The following GPHN variants were observed in gnomAD, a reference collection of about 807,000 sequenced individuals.
The protein encoded by GPHN is gephyrin.
A neutral mutation model predicts 95.5 loss-of-function variants in GPHN; 17 were observed. The observed-to-expected ratio is 0.18, with a 90% CI of 0.12 to 0.27. The LOEUF (loss-of-function observed/expected upper bound fraction) is 0.27. Among genes scored for constraint, GPHN ranks in the 10% least tolerant of loss-of-function variants. GPHN has a pLI of 1.00. For missense variants in GPHN, 660 were observed against 978.1 expected, an observed-to-expected ratio of 0.67 and a Z score of 4.34; for synonymous variants, 320 against 322.5, an observed-to-expected ratio of 0.99 and a Z score of 0.08.
chr14:66,746,267 C>T (rs970559088), intron 2 of GPHN, among the ~76,000 whole-genome samples: 4 of 152,286 alleles, frequency 2.6e-5, no homozygotes, highest in Middle Eastern at 3.4e-3. Flanking sequence ...TGTTTTCCAA[C>T]ATCTGCATCA....
chr14:67,078,044 A>G (rs1303525589), intron 11 of GPHN, among the ~76,000 whole-genome samples: 1 of 152,178 alleles, frequency 6.6e-6, no homozygotes, highest in Non-Finnish European at 1.5e-5. Context: ...ATTTTACAGA[A>G]TTTATGCAAT....
the GPHN span, among the ~76,000 whole-genome samples, chr14:67,206,425 G>A: frequency 3.3e-5 from 5 of 152,142 alleles, no homozygotes; most frequent in South Asian, 4.1e-4. Flanking sequence ...GAAACCGGGA[G>A]GTGGAGGTTG....
intron 9 of GPHN, among the ~76,000 whole-genome samples, chr14:66,975,257 T>C (rs2070133484): frequency 6.6e-6 from 1 of 152,234 alleles, no homozygotes; most frequent in African/African-American, 2.4e-5. Flanking sequence ...GTAGATAATC[T>C]TTCAGAAGTT....
the GPHN span, among the ~76,000 whole-genome samples, chr14:67,317,830 C>T: frequency 6.6e-6 from 1 of 152,166 alleles, no homozygotes; most frequent in Non-Finnish European, 1.5e-5. Flanking sequence ...TCCTGAGAAC[C>T]CACTACCTGC....
chr14:67,021,858 T>C (rs558216692), intron 9 of GPHN, among the ~76,000 whole-genome samples: 2 of 152,232 alleles, frequency 1.3e-5, no homozygotes, highest in South Asian at 2.1e-4. Context: ...TTCGCAAACA[T>C]TGCTTTGCGC....
the GPHN span, among the ~76,000 whole-genome samples, chr14:67,560,332 C>G: frequency 6.6e-6 from 1 of 152,190 alleles, no homozygotes; most frequent in Non-Finnish European, 1.5e-5. Flanking sequence ...CTGCTACTTT[C>G]TCTTCCATCC....
intron 2 of GPHN, among the ~76,000 whole-genome samples, chr14:66,746,420 C>A (rs1330338552): frequency 6.6e-6 from 1 of 152,068 alleles, no homozygotes; most frequent in African/African-American, 2.4e-5. Flanking sequence ...GTGGTTCTAA[C>A]CTTGGCTCTA....
chr14:67,473,300 A>G, the GPHN span: 25 of 1,408,168 alleles, frequency 1.8e-5, no homozygotes, highest in Non-Finnish European at 2.4e-5. The surrounding 1 kb of genome is among the most constrained non-coding windows in gnomAD (Gnocchi z 6.5). Context: ...TGTGTGCCCT[A>G]TAGGGCTGAG....
the GPHN span, among the ~76,000 whole-genome samples, chr14:67,350,439 T>C: frequency 3.7e-4 from 57 of 152,350 alleles, no homozygotes; most frequent in East Asian, 3.5e-3. Context: ...AAGAATTACA[T>C]GTGGAAGATG....
chr14:66,922,592 A>G (rs373140442), intron 6 of GPHN, 74 bp from the exon 7 acceptor site: 5 of 1,186,876 alleles, frequency 4.2e-6, no homozygotes, highest in Non-Finnish European at 6.0e-6. Flanking sequence ...ATCACGAAAC[A>G]GTTTGATTGC....
intron 5 of GPHN, among the ~76,000 whole-genome samples, chr14:66,909,367 A>G (rs1440943813): frequency 6.6e-6 from 1 of 152,096 alleles, no homozygotes; most frequent in African/African-American, 2.4e-5. Flanking sequence ...AAATGATAGT[A>G]GAAAAAAGGG....
intron 16 of GPHN, 82 bp from the exon 17 acceptor site, chr14:67,122,173 TC>T (rs2079046355): frequency 4.3e-6 from 6 of 1,397,988 alleles, no homozygotes; most frequent in Non-Finnish European, 6.1e-6. Flanking sequence ...TATGCTAAAC[TC>T]AGTTTAGTAG....
the GPHN span, among the ~76,000 whole-genome samples, chr14:67,369,382 C>T: frequency 6.6e-6 from 1 of 152,066 alleles, no homozygotes; most frequent in Non-Finnish European, 1.5e-5. Flanking sequence ...AAATTGAATT[C>T]AAGAGAGAAA....
At chr14:66,999,288 A>G (rs2072051996) in intron 9 of GPHN, among the ~76,000 whole-genome samples, 1 of 151,828 alleles carries the variant, frequency 6.6e-6, no homozygotes, top group South Asian at 2.1e-4. Context: ...AATTAATACA[A>G]AACGTTAGTA....
intron 2 of GPHN, among the ~76,000 whole-genome samples, chr14:66,729,156 C>T (rs1208560575): frequency 6.6e-6 from 1 of 152,136 alleles, no homozygotes; most frequent in Non-Finnish European, 1.5e-5. Flanking sequence ...GATTGTGAGG[C>T]CTCCCCAGCC....
At chr14:67,669,183 T>C in the GPHN span, among the ~76,000 whole-genome samples, 5 of 152,240 alleles carry the variant, frequency 3.3e-5, no homozygotes, top group East Asian at 9.6e-4. Context: ...TACTAGAAGG[T>C]GAATTTAAAC....
chr14:67,569,281 G>T, the GPHN span: 2 of 1,170,874 alleles, frequency 1.7e-6, no homozygotes, highest in Non-Finnish European at 2.6e-6. Flanking sequence ...CAAGCGGGGA[G>T]GAGAAGACTC....
At chr14:66,889,502 AC>A (rs1330852396) in intron 5 of GPHN, among the ~76,000 whole-genome samples, 1 of 152,170 alleles carries the variant, frequency 6.6e-6, no homozygotes. Context: ...AAAATTAAAC[AC>A]ACTCAAATAG....
At chr14:66,635,881 G>A (rs948532782) in intron 1 of GPHN, among the ~76,000 whole-genome samples, 7 of 151,988 alleles carry the variant, frequency 4.6e-5, no homozygotes, top group African/African-American at 1.7e-4. Flanking sequence ...GCTCACACCT[G>A]TAATCCCAGC....
Sources: gnomAD v4.1 joint callset for allele counts (sites outside exome capture counted in the v4.1 genomes callset) on GRCh38, gnomAD v4.1.1 for gene constraint, Gnocchi (gnomAD v3.1) non-coding constraint, MANE v1.5 for transcripts, NCBI Gene and HGNC (gene_info 2026-07-23, HGNC 2026-07-21) for gene names.